GALNTL6: variants seen among roughly 807,000 people sequenced by gnomAD.
GALNTL6 encodes the protein polypeptide N-acetylgalactosaminyltransferase like 6.
Under a neutral mutation model 73.7 loss-of-function variants are expected in GALNTL6, and 46 were observed. That is an observed-to-expected ratio of 0.62 (90% CI 0.49 to 0.80). The LOEUF (loss-of-function observed/expected upper bound fraction) is 0.80, where lower values mean the gene tolerates loss of function less well. Ranked by LOEUF, GALNTL6 falls within the 30% of genes least tolerant of loss-of-function variation. The probability of loss-of-function intolerance (pLI) is 0.00; values close to 1 mark genes in which losing one functional copy is unlikely to be tolerated. For missense variants in GALNTL6, 604 were observed against 755.0 expected, an observed-to-expected ratio of 0.80 and a Z score of 2.34; for synonymous variants, 259 against 263.7, an observed-to-expected ratio of 0.98 and a Z score of 0.17.
At position 172,503,875 on chromosome 4, in the gene GALNTL6, C is replaced by G. The variant is rs576017975; in HGVS notation, c.553+155186C>G. On this transcript the variant is annotated intron_variant, in intron 5 of 12. Transcript: ENST00000506823. Reference sequence around the variant, plus strand: ...AGGGAAACAGGTGTAAGGACAGAGTCCAAGCACAGATCACGCCTGTAATCC... The same window carrying G: ...AGGGAAACAGGTGTAAGGACAGAGTGCAAGCACAGATCACGCCTGTAATCC... Among the ~76,000 whole-genome samples the G allele has an allele frequency of 1.6e-3, 89 of 56,436 alleles. 24 individuals are homozygous for G. The highest frequency in any genetic ancestry group is 3.7e-3 in the African/African-American group (84 of 22,836). The allele number at this position is 56,436 out of a possible 152,430, so 37.0% of individuals were successfully genotyped here.
intron 7 of GALNTL6, among the ~76,000 whole-genome samples, chr4:172,864,127 A>G (rs1744541141): frequency 6.6e-6 from 1 of 152,174 alleles, no homozygotes; most frequent in Admixed American, 6.5e-5. Flanking sequence ...CTGTGAGTCA[A>G]TTAAACCTCT....
intron 5 of GALNTL6, among the ~76,000 whole-genome samples, chr4:172,771,511 G>A (rs1342290433): frequency 6.6e-6 from 1 of 152,132 alleles, no homozygotes; most frequent in African/African-American, 2.4e-5. Context: ...TGAGTGTCAG[G>A]TGTATTTCAC....
intron 12 of GALNTL6, among the ~76,000 whole-genome samples, chr4:173,027,078 C>T (rs1019199466): frequency 6.6e-6 from 1 of 152,162 alleles, no homozygotes; most frequent in African/African-American, 2.4e-5. Flanking sequence ...ATCTCCACCT[C>T]CCGGGTTCAA....
At chr4:171,932,470 C>T (rs1161076968) in intron 2 of GALNTL6, among the ~76,000 whole-genome samples, 1 of 152,138 alleles carries the variant, frequency 6.6e-6, no homozygotes, top group African/African-American at 2.4e-5. Context: ...AGCCAGTGGG[C>T]CCGCCAAGCA....
intron 5 of GALNTL6, among the ~76,000 whole-genome samples, chr4:172,652,758 C>T (rs148861443): frequency 1.1e-3 from 175 of 152,264 alleles, no homozygotes; most frequent in African/African-American, 3.6e-3. Flanking sequence ...ACCTTTCTTT[C>T]CTTTAACCCC....
rs183023974 is a variant in GALNTL6, at chr4:172,554,012, G to C, written c.553+205323G>C. On this transcript the variant is annotated intron_variant, in intron 5 of 12. Transcript: ENST00000506823. ...CCCTGCACTCCAGCCTGGGCAACAAGTGAACCTGTCTCAAAAAAGGAAAGA... is the reference window on the plus strand; with the variant it reads ...CCCTGCACTCCAGCCTGGGCAACAACTGAACCTGTCTCAAAAAAGGAAAGA... 1.2e-4 allele frequency among the ~76,000 whole-genome samples: 18 copies of C among 152,216 alleles called. 1 individual carries two copies. The East Asian group carries it at 3.5e-3, about 29-fold the overall frequency.
intron 2 of GALNTL6, among the ~76,000 whole-genome samples, chr4:171,853,848 T>G (rs569931714): frequency 1.3e-4 from 19 of 151,838 alleles, no homozygotes; most frequent in Admixed American, 5.3e-4. Context: ...CTGACTTCAG[T>G]TGATACACCC....
intron 5 of GALNTL6, among the ~76,000 whole-genome samples, chr4:172,461,880 G>A (rs201099255): frequency 6.6e-6 from 1 of 152,154 alleles, no homozygotes. Context: ...CAATGTGTCT[G>A]TGAAGGTGTT....
At chr4:171,862,472 T>G (rs1409651542) in intron 2 of GALNTL6, among the ~76,000 whole-genome samples, 3 of 152,100 alleles carry the variant, frequency 2.0e-5, no homozygotes, top group Non-Finnish European at 4.4e-5. Flanking sequence ...ATTTAAATTC[T>G]GAATATATAA....
intron 5 of GALNTL6, among the ~76,000 whole-genome samples, chr4:172,426,169 G>A (rs1731219843): frequency 6.6e-6 from 1 of 152,042 alleles, no homozygotes; most frequent in African/African-American, 2.4e-5. Flanking sequence ...TTTAAGGGAA[G>A]GGATCATGTC....
intron 2 of GALNTL6, among the ~76,000 whole-genome samples, chr4:172,049,482 A>T (rs910823248): frequency 3.9e-5 from 6 of 152,164 alleles, no homozygotes; most frequent in Non-Finnish European, 8.8e-5. Flanking sequence ...TCTTTTGGAT[A>T]TTCTTACTTA....
intron 5 of GALNTL6, among the ~76,000 whole-genome samples, chr4:172,362,138 GTGCAACACAT>G: frequency 6.6e-6 from 1 of 152,030 alleles, no homozygotes; most frequent in Admixed American, 6.6e-5. Context: ...TTACGAATAT[GTGCAACACAT>G]TGGTAAGAAC....
At chr4:172,080,047 A>G (rs1731830748) in intron 2 of GALNTL6, among the ~76,000 whole-genome samples, 1 of 152,224 alleles carries the variant, frequency 6.6e-6, no homozygotes, top group Non-Finnish European at 1.5e-5. Flanking sequence ...ACCATAAAAT[A>G]TCTATAGCAC....
chr4:171,940,939 G>T (rs926501094), intron 2 of GALNTL6, among the ~76,000 whole-genome samples: 2 of 151,364 alleles, frequency 1.3e-5, no homozygotes, highest in Non-Finnish European at 2.9e-5. Flanking sequence ...ATACAATAAG[G>T]TTTTAAAATA....
intron 2 of GALNTL6, among the ~76,000 whole-genome samples, chr4:172,037,309 T>C (rs141617271): frequency 6.8e-4 from 103 of 152,266 alleles, no homozygotes; most frequent in African/African-American, 2.2e-3. Flanking sequence ...GCTAACAGTA[T>C]TCCTGCAGAA....
At chr4:172,075,571 G>A (rs1579113182) in intron 2 of GALNTL6, among the ~76,000 whole-genome samples, 1 of 152,170 alleles carries the variant, frequency 6.6e-6, no homozygotes, top group African/African-American at 2.4e-5. Flanking sequence ...TCCTGACCTC[G>A]CGATCTGCCC....
intron 5 of GALNTL6, among the ~76,000 whole-genome samples, chr4:172,624,939 T>C (rs1467839111): frequency 6.6e-6 from 1 of 151,944 alleles, no homozygotes; most frequent in African/African-American, 2.4e-5. Context: ...TATCCAGTAG[T>C]AAGTTTTTCA....
intron 2 of GALNTL6, among the ~76,000 whole-genome samples, chr4:172,206,404 A>T (rs188754418): frequency 6.6e-6 from 1 of 152,214 alleles, no homozygotes; most frequent in Non-Finnish European, 1.5e-5. Flanking sequence ...ATGAGAAAGC[A>T]TATTTTGTTA....
At chr4:172,272,399 G>T (rs551641994) in intron 3 of GALNTL6, among the ~76,000 whole-genome samples, 3 of 152,302 alleles carry the variant, frequency 2.0e-5, no homozygotes, top group East Asian at 1.9e-4. Context: ...AGTCTAGATG[G>T]TATAGCGCAC....
Sources: allele counts gnomAD v4.1 joint callset (sites outside exome capture counted in the v4.1 genomes callset), GRCh38; gene constraint gnomAD v4.1.1; transcripts MANE v1.5; gene names NCBI Gene and HGNC (gene_info 2026-07-23, HGNC 2026-07-21).